The following SLC16A5 variants were observed in gnomAD, a reference collection of about 807,000 sequenced individuals.
SLC16A5 encodes monocarboxylate transporter 6.
SLC16A5 carries 29 observed loss-of-function variants against 33.2 expected under a neutral mutation model. The ratio of observed to expected loss-of-function variants is 0.87; its 90% CI spans 0.65 to 1.19. The LOEUF (loss-of-function observed/expected upper bound fraction) is 1.19, where lower values mean the gene tolerates loss of function less well. Among genes scored for constraint, SLC16A5 ranks in the 50% most tolerant of loss-of-function variants. SLC16A5 has a pLI of 0.00. For missense variants in SLC16A5, 606 were observed against 678.2 expected, an observed-to-expected ratio of 0.89 and a Z score of 1.18; for synonymous variants, 248 against 284.1, an observed-to-expected ratio of 0.87 and a Z score of 1.28.
rs201721750 is a variant in SLC16A5 at position 75,100,044 on chromosome 17, G to A, written c.381G>A (p.Thr127=). 5.0e-6 allele frequency: 8 copies of A among 1,612,798 alleles called. No individual in the cohort carries two copies. In the East Asian group the frequency reaches 6.7e-5, roughly 13 times the overall value. The change falls in exon 5 of 7, where the codon ACG becomes ACA. Residue 127 remains threonine (T), a synonymous_variant. Transcript: ENST00000329783. ...GCTTCAGCTTCCAGTCAAGCATCAC[G>A]GTGCTGGGCTTCTACTTTGTCCGCC... ...GMCFSFQSSI[T]VLGFYFVRRR... is the part of the protein sequence containing the mutation.
rs2073678257 is a variant in SLC16A5 at position 75,093,810 on chromosome 17, C to T, written c.174C>T (p.Ile58=). The T allele has an allele frequency of 6.2e-7, 1 of 1,614,156 alleles. No homozygotes were observed. The highest frequency in any genetic ancestry group is 8.5e-7 in the Non-Finnish European group (1 of 1,179,980). Residue 58 remains isoleucine (I), a synonymous_variant, in exon 3 of 7, where the codon ATC becomes ATT. Transcript: ENST00000329783. ...GCGAGACCTCTTGGTTCCCCTCCAT[C>T]CTCACGGCTGTGCTCCACATGGCAG... ...SNSETSWFPS[I]LTAVLHMAGP...
chr17:75,100,277 C>T lies in SLC16A5; in HGVS notation c.614C>T (p.Pro205Leu), dbSNP rs150720631. Reference sequence around the variant, plus strand: ...GCCCCTGAGACCAAAGAATGTCCCCCGCCACCTCCCGAGACACCTGCACTT... The same window carrying T: ...GCCCCTGAGACCAAAGAATGTCCCCTGCCACCTCCCGAGACACCTGCACTT... ...SVAPETKECP[P>L]PPPETPALGC... Residue 205 changes from proline (P) to leucine (L), a missense_variant, in exon 5 of 7, where the codon CCG becomes CTG. Physicochemically the swap from Pro to Leu is moderately conservative, Grantham distance 98. Coordinates refer to ENST00000329783, the MANE Select transcript of SLC16A5 (RefSeq NM_004695.4). The T allele has an allele frequency of 2.8e-5, 45 of 1,614,196 alleles. No individual in the cohort carries two copies. The highest frequency in any genetic ancestry group is 1.9e-4 in the African/African-American group (14 of 75,060).
At chr17:75,096,070 G>T (rs2073714476) in intron 3 of SLC16A5, among the ~76,000 whole-genome samples, 1 of 151,802 alleles carries the variant, frequency 6.6e-6, no homozygotes, top group South Asian at 2.1e-4. Context: ...CTCTCAAAAT[G>T]CTGGGATTAC....
downstream of SLC16A5, among the ~76,000 whole-genome samples, chr17:75,108,516 C>T (rs980982286): frequency 1.3e-5 from 2 of 152,166 alleles, no homozygotes; most frequent in South Asian, 2.1e-4. Flanking sequence ...TGGAGTGTGA[C>T]GGCCACTCTG....
At position 75,093,187 on chromosome 17, in the gene SLC16A5, C is replaced by T. The variant is rs949090852; in HGVS notation, c.-48-402C>T. 8.4e-5 allele frequency: 45 copies of T among 537,544 alleles called. 1 individual carries two copies. The highest frequency in any genetic ancestry group is 1.2e-4 in the Non-Finnish European group (35 of 300,208). The allele number at this position is 537,544 out of a possible 1,614,324, so 33.3% of individuals were successfully genotyped here. A position where few individuals can be genotyped will look rare whatever the true frequency, so the allele number is the denominator to read the frequency against. On this transcript the variant is annotated intron_variant, in intron 2 of 6. Transcript: ENST00000329783. ...TGTATCCTTGGGTGCATTTGGGGGG[C>T]GTTGGGACTACACTGACCCCAGAGG... is the stretch of plus-strand genomic sequence containing the variant.
chr17:75,090,055 TG>T (rs1415594765), intron 2 of SLC16A5: 1 of 151,838 alleles, frequency 6.6e-6, no homozygotes, highest in African/African-American at 2.4e-5. Flanking sequence ...TGCAGTGACG[TG>T]ATCTCGGCTC....
At chr17:75,096,980 C>T (rs2073728848) in intron 3 of SLC16A5, among the ~76,000 whole-genome samples, 1 of 151,408 alleles carries the variant, frequency 6.6e-6, no homozygotes, top group Non-Finnish European at 1.5e-5. Context: ...CACGCACCAC[C>T]ATGCCTGGCT....
intron 2 of SLC16A5, chr17:75,093,328 C>A: frequency 5.2e-6 from 7 of 1,352,634 alleles, no homozygotes; most frequent in Non-Finnish European, 6.1e-6. Flanking sequence ...CCTGCCCTGC[C>A]CCGTCCTGTC....
At chr17:75,093,400 A>G in intron 2 of SLC16A5, 189 bp from the exon 3 acceptor site, 1 of 1,535,410 alleles carries the variant, frequency 6.5e-7, no homozygotes. Flanking sequence ...GGCTCTGGGA[A>G]GTGGGTGAAA....
At position 75,106,080 on chromosome 17, in the gene SLC16A5, T is replaced by C. The variant is rs372578525; in HGVS notation, c.*47T>C. On this transcript the variant is annotated 3_prime_UTR_variant, in exon 7 of 7. Transcript: ENST00000329783. The stretch of plus-strand genomic sequence containing the variant: ...CTATCTGCCATGTGAGTTGGGCAAA[T>C]TGTTGACCACCTCTGAGCCTTGAAA... 52 of 967,298 alleles carry C rather than the reference T, an allele frequency of 5.4e-5. No individual in the cohort carries two copies. In the African/African-American group the frequency reaches 6.7e-4, roughly 12 times the overall value. 59.9% of individuals were successfully genotyped at this position (967,298 alleles called of 1,614,324 possible). A position where few individuals can be genotyped will look rare whatever the true frequency, so the allele number is the denominator to read the frequency against.
intron 3 of SLC16A5, 85 bp from the exon 4 acceptor site, chr17:75,097,953 G>C: frequency 6.8e-7 from 1 of 1,475,488 alleles, no homozygotes; most frequent in Non-Finnish European, 9.0e-7. Flanking sequence ...GCTAGTTCCA[G>C]CTGGAACTGC....
intron 5 of SLC16A5, among the ~76,000 whole-genome samples, chr17:75,101,846 G>A (rs530384828): frequency 3.4e-4 from 51 of 152,106 alleles, no homozygotes; most frequent in African/African-American, 1.1e-3. Flanking sequence ...TGTTGCTCAG[G>A]CTGCTCTCAA....
downstream of SLC16A5, chr17:75,110,124 C>T: frequency 1.5e-6 from 1 of 658,824 alleles, no homozygotes; most frequent in Non-Finnish European, 2.6e-6. Context: ...ATCCCATTTC[C>T]AGCTGCAAAT....
Position 75,098,041 on chromosome 17 carries a change from C to T in SLC16A5, c.203C>T (p.Pro68Leu), listed in dbSNP as rs1010532437. Residue 68 changes from proline (P) to leucine (L), a missense_variant, in exon 4 of 7, where the codon CCC becomes CTC. By Grantham distance (98) the Pro-to-Leu change is moderately conservative (BLOSUM62 -3). Transcript: ENST00000329783. ...TGCTGGCTGTCTTCTCCCACAGGGC[C>T]CCTGTGCAGCATCCTGGTGGGACGC... The part of the protein sequence containing the change: ...ILTAVLHMAG[P>L]LCSILVGRFG... 3 of 1,589,396 alleles carry T rather than the reference C, an allele frequency of 1.9e-6. No homozygotes were observed. Among genetic ancestry groups the T allele is most frequent in the African/African-American group, 2.7e-5 (2 of 73,060 alleles).
rs1176586608 is a variant in SLC16A5 at position 75,104,130 on chromosome 17, T to C, written c.1314T>C (p.Leu438=). 1 of 1,614,104 alleles carries C rather than the reference T, an allele frequency of 6.2e-7. No individual in the cohort carries two copies. Among genetic ancestry groups the C allele is most frequent in the South Asian group, 1.1e-5 (1 of 91,090 alleles). ...CGGCGGATGCCCTGGAGCGGGATCTTTTCTTGGAAGCCAAAGACGGTCCTG... is the reference window on the plus strand; with the variant it reads ...CGGCGGATGCCCTGGAGCGGGATCTCTTCTTGGAAGCCAAAGACGGTCCTG... The part of the protein sequence containing the change: ...AVAADALERD[L]FLEAKDGPGK... Residue 438 remains leucine (L), a synonymous_variant, in exon 6 of 7, where the codon CTT becomes CTC. Transcript: ENST00000329783.
At chr17:75,098,400 TA>T (rs1030830392) in intron 4 of SLC16A5, among the ~76,000 whole-genome samples, 3 of 151,352 alleles carry the variant, frequency 2.0e-5, no homozygotes. Context: ...CTGTCTATAC[TA>T]AAAAAAATAC....
intron 6 of SLC16A5, 153 bp downstream of exon 6, chr17:75,104,333 G>T (rs967233222): frequency 6.9e-7 from 1 of 1,458,640 alleles, no homozygotes; most frequent in Non-Finnish European, 9.1e-7. Context: ...CAGGAAGCCC[G>T]GGCTGTCCAG....
intron 5 of SLC16A5, among the ~76,000 whole-genome samples, chr17:75,102,971 A>G (rs1314099552): frequency 2.0e-5 from 3 of 151,926 alleles, no homozygotes; most frequent in African/African-American, 4.8e-5. Context: ...GCTCACTGCA[A>G]CCTCTGCCTC....
chr17:75,109,966 C>G, downstream of SLC16A5: 2 of 300,718 alleles, frequency 6.7e-6, no homozygotes, highest in South Asian at 9.0e-5. The surrounding 1 kb of genome is among the most constrained non-coding windows in gnomAD (Gnocchi z 5.0). Context: ...CCGCCGGGAG[C>G]CCGGAACCGA....
Sources: allele counts gnomAD v4.1 joint callset (sites outside exome capture counted in the v4.1 genomes callset), GRCh38; gene constraint gnomAD v4.1.1; non-coding constraint Gnocchi (gnomAD v3.1); transcripts MANE v1.5; gene names NCBI Gene and HGNC (gene_info 2026-07-23, HGNC 2026-07-21).